Variants in CDH3 observed in about 807,000 individuals in gnomAD.
CDH3 encodes cadherin-3.
In CDH3, 54 loss-of-function variants were observed where a neutral mutation model predicts 82.0. The ratio of observed to expected loss-of-function variants is 0.66; its 90% CI spans 0.53 to 0.83. CDH3 has a LOEUF of 0.83. CDH3 is among the 40% of genes least tolerant of loss of function. The pLI is 0.00. For synonymous variants in CDH3, 446 were observed against 437.9 expected (o/e 1.02, Z -0.23); for missense variants, 1,054 against 1,084.6 (o/e 0.97, Z 0.40).
chr16:68,658,308 T>C (rs1347160790), intron 2 of CDH3, among the ~76,000 whole-genome samples: 1 of 152,130 alleles, frequency 6.6e-6, no homozygotes, highest in Non-Finnish European at 1.5e-5. Flanking sequence ...GGAAGAGACC[T>C]AATGGTATAT....
chr16:68,691,533 C>G (rs114727967), intron 12 of CDH3, among the ~76,000 whole-genome samples, 187 bp from the exon 13 acceptor site: 1 of 151,940 alleles, frequency 6.6e-6, no homozygotes, highest in East Asian at 1.9e-4. Context: ...CCCAATAATC[C>G]TTTTCATTAT....
chr16:68,695,355 T>C lies in CDH3; in HGVS notation c.2103T>C (p.Tyr701=), dbSNP rs771593852. Residue 701 remains tyrosine (Y), a synonymous_variant, in exon 14 of 16, where the codon TAT becomes TAC. Coordinates refer to ENST00000264012, the MANE Select transcript of CDH3 (RefSeq NM_001793.6). The stretch of plus-strand genomic sequence containing the variant: ...ACACCCGTGACAACGTCTTCTACTA[T>C]GGCGAAGAGGGGGGTGGCGAAGAGG... ...EDDTRDNVFY[Y]GEEGGGEEDQ... is the part of the protein sequence containing the mutation. 73 of 1,613,600 alleles carry C rather than the reference T, an allele frequency of 4.5e-5. No homozygotes were observed. In the Middle Eastern group the frequency reaches 8.2e-4, roughly 18 times the overall value.
chr16:68,682,253 A>G (rs762270431), intron 8 of CDH3, 49 bp from the exon 9 acceptor site: 1 of 1,585,516 alleles, frequency 6.3e-7, no homozygotes, highest in South Asian at 1.1e-5. Context: ...CCTCTGGAGT[A>G]GGACAGTCAT....
At chr16:68,729,195 C>T (rs1962258689), downstream of CDH3, among the ~76,000 whole-genome samples, 3 of 152,148 alleles carry the variant, frequency 2.0e-5, no homozygotes, top group South Asian at 6.2e-4. Context: ...GTCCCAGCTA[C>T]TGGGGAGGCT....
Position 68,678,541 on chromosome 16 carries a change from G to A in CDH3, c.431G>A (p.Ser144Asn). 1 of 1,614,254 alleles carries A rather than the reference G, an allele frequency of 6.2e-7. No homozygotes were observed. The highest frequency in any genetic ancestry group is 1.7e-5 in the Admixed American group (1 of 60,038). Residue 144 changes from serine (S) to asparagine (N), a missense_variant, in exon 5 of 16, where the codon AGC becomes AAC. Coordinates refer to ENST00000264012, the MANE Select transcript of CDH3 (RefSeq NM_001793.6). ...GATAGAGACACCAAGATTTTCTACAGCATCACGGGGCCGGGGGCAGACAGC... is the reference window on the plus strand; with the variant it reads ...GATAGAGACACCAAGATTTTCTACAACATCACGGGGCCGGGGGCAGACAGC... ...NKDRDTKIFY[S>N]ITGPGADSPP...
intron 12 of CDH3, among the ~76,000 whole-genome samples, chr16:68,690,906 C>CA (rs1172746288): frequency 1.3e-5 from 2 of 151,578 alleles, no homozygotes; most frequent in Admixed American, 1.3e-4. Flanking sequence ...GACTTAGTCT[C>CA]AAAAAAATTG....
At chr16:68,659,533 C>T (rs772035922) in intron 2 of CDH3, among the ~76,000 whole-genome samples, 4 of 150,794 alleles carry the variant, frequency 2.7e-5, no homozygotes, top group Non-Finnish European at 5.9e-5. Context: ...CAAGATCATA[C>T]GACTGCACTG....
At chr16:68,654,380 ATTTTTTTTTTTTTTTTTTTTTT>A (rs1176713669) in intron 2 of CDH3, among the ~76,000 whole-genome samples, 2 of 48,494 alleles carry the variant, frequency 4.1e-5, no homozygotes, top group African/African-American at 1.9e-4. Flanking sequence ...TTTTAAATTA[ATTTTTTTTTTTTTTTTTTTTTT>A]TTTTTTTTTT....
intron 1 of CDH3, among the ~76,000 whole-genome samples, chr16:68,718,110 G>T (rs1962115914): frequency 6.6e-6 from 1 of 152,150 alleles, no homozygotes; most frequent in East Asian, 2.0e-4. Context: ...CCAGGTTCAA[G>T]TGATCCTCCT....
chr16:68,712,358 G>C (rs1458505486), intron 1 of CDH3, among the ~76,000 whole-genome samples: 2 of 152,084 alleles, frequency 1.3e-5, no homozygotes, highest in African/African-American at 4.8e-5. Context: ...AACAAGAGCA[G>C]CTGGAGCTGG....
At chr16:68,722,094 ACAT>A (rs1430274841) in intron 1 of CDH3, among the ~76,000 whole-genome samples, 1 of 152,108 alleles carries the variant, frequency 6.6e-6, no homozygotes, top group Non-Finnish European at 1.5e-5. Flanking sequence ...AACAACAACA[ACAT>A]CAACAACAAC....
chr16:68,686,240 G>A (rs1003855119), intron 11 of CDH3, among the ~76,000 whole-genome samples: 3 of 151,346 alleles, frequency 2.0e-5, no homozygotes, highest in Non-Finnish European at 2.9e-5. Flanking sequence ...ATTGCAGCAC[G>A]CCTCGGGGCG....
chr16:68,703,574 C>G (rs529649779), downstream of CDH3, among the ~76,000 whole-genome samples: 6 of 152,330 alleles, frequency 3.9e-5, no homozygotes, highest in African/African-American at 1.4e-4. Flanking sequence ...CAGCAGAGTA[C>G]AAGTTCAAAT....
At chr16:68,703,228 G>C (rs1961918084), downstream of CDH3, among the ~76,000 whole-genome samples, 1 of 152,198 alleles carries the variant, frequency 6.6e-6, no homozygotes, top group African/African-American at 2.4e-5. Flanking sequence ...GAGGAGGGTG[G>C]CATGCTCTCA....
intron 13 of CDH3, among the ~76,000 whole-genome samples, chr16:68,693,669 A>C (rs9888942): frequency 6.6e-6 from 1 of 151,812 alleles, no homozygotes; most frequent in Non-Finnish European, 1.5e-5. Context: ...CCACATGTGC[A>C]TGCATCTTCA....
chr16:68,713,330 C>T (rs1348243524), intron 1 of CDH3, among the ~76,000 whole-genome samples: 3 of 152,092 alleles, frequency 2.0e-5, no homozygotes, highest in African/African-American at 4.8e-5. Flanking sequence ...ACAAGCATAT[C>T]GGGTTGCTCT....
At chr16:68,689,277 T>C (rs1961497364) in intron 12 of CDH3, among the ~76,000 whole-genome samples, 1 of 152,124 alleles carries the variant, frequency 6.6e-6, no homozygotes, top group South Asian at 2.1e-4. Flanking sequence ...CTCATGCCTG[T>C]AATCCCAGCA....
At chr16:68,708,497 C>T (rs1312844375) in intron 1 of CDH3, among the ~76,000 whole-genome samples, 11 of 152,296 alleles carry the variant, frequency 7.2e-5, no homozygotes, top group African/African-American at 2.4e-4. Context: ...GGCTCCCTCA[C>T]GTCCTTCAGG....
At chr16:68,687,159 T>C (rs1961434496) in intron 11 of CDH3, among the ~76,000 whole-genome samples, 1 of 152,124 alleles carries the variant, frequency 6.6e-6, no homozygotes, top group Admixed American at 6.5e-5. Flanking sequence ...CTGGTTGACA[T>C]GTAATGAACC....
Sources: gnomAD v4.1 joint callset for allele counts (sites outside exome capture counted in the v4.1 genomes callset) on GRCh38, gnomAD v4.1.1 for gene constraint, MANE v1.5 for transcripts, NCBI Gene and HGNC (gene_info 2026-07-23, HGNC 2026-07-21) for gene names.